The following DLGAP1 variants were observed in gnomAD, a reference collection of about 807,000 sequenced individuals.
DLGAP1 encodes DLG associated protein 1, also known as disks large-associated protein 1.
A neutral mutation model predicts 90.8 loss-of-function variants in DLGAP1; 11 were observed. The observed-to-expected ratio is 0.12, with a 90% CI of 0.08 to 0.20. The LOEUF is 0.20. Among genes scored for constraint, DLGAP1 ranks in the 10% least tolerant of loss-of-function variants. The probability of loss-of-function intolerance (pLI) is 1.00; values close to 1 mark genes in which losing one functional copy is unlikely to be tolerated. For missense variants in DLGAP1, 1,050 were observed against 1,333.8 expected (o/e 0.79, Z 3.31); for synonymous variants, 558 against 540.7 (o/e 1.03, Z -0.44).
At chr18:3,617,806 G>A (rs1427379917) in intron 7 of DLGAP1, among the ~76,000 whole-genome samples, 3 of 151,316 alleles carry the variant, frequency 2.0e-5, no homozygotes, top group Non-Finnish European at 4.4e-5. Context: ...AGGCCAAGGC[G>A]GGTGGATCAC....
Position 4,314,918 on chromosome 18 carries a change from T to C in DLGAP1, c.-267+140088A>G, listed in dbSNP as rs187608772. 5.6e-4 allele frequency among the ~76,000 whole-genome samples: 86 copies of C among 152,354 alleles called. 1 individual carries two copies. Among genetic ancestry groups the C allele is most frequent in the African/African-American group, 2.0e-3 (82 of 41,586 alleles). On this transcript the variant is annotated intron_variant, in intron 1 of 12. Transcript: ENST00000315677. ...CTTCAATAATGTAAAGCACTGTTAT[T>C]GCTCCCAGGTTTACCGAGGGACAAT...
At chr18:3,575,878 A>G (rs577172578) in intron 8 of DLGAP1, among the ~76,000 whole-genome samples, 5 of 152,306 alleles carry the variant, frequency 3.3e-5, no homozygotes, top group East Asian at 1.9e-4. Flanking sequence ...ATATCTTTAA[A>G]TATTCTAGAA....
intron 1 of DLGAP1, among the ~76,000 whole-genome samples, chr18:4,260,770 A>G (rs1176153442): frequency 6.6e-6 from 1 of 152,234 alleles, no homozygotes; most frequent in Non-Finnish European, 1.5e-5. Flanking sequence ...ACTAGAGACA[A>G]TATCTGCATT....
chr18:3,577,862 G>C (rs1418605754), intron 8 of DLGAP1, among the ~76,000 whole-genome samples: 2 of 152,166 alleles, frequency 1.3e-5, no homozygotes, highest in African/African-American at 4.8e-5. Context: ...AATTGTAAAA[G>C]AAGTTGCAGG....
intron 1 of DLGAP1, among the ~76,000 whole-genome samples, chr18:4,343,036 G>C (rs536317609): frequency 2.0e-5 from 3 of 152,078 alleles, no homozygotes; most frequent in East Asian, 3.9e-4. Flanking sequence ...GGCCGGGCGC[G>C]GTGGCTCATG....
At chr18:3,686,696 A>G (rs1033265645) in intron 7 of DLGAP1, among the ~76,000 whole-genome samples, 2 of 152,164 alleles carry the variant, frequency 1.3e-5, no homozygotes. Flanking sequence ...AAAATCTATA[A>G]AGTAGGGTGC....
At chr18:3,638,990 A>G (rs1462633920) in intron 7 of DLGAP1, among the ~76,000 whole-genome samples, 2 of 152,250 alleles carry the variant, frequency 1.3e-5, no homozygotes, top group Non-Finnish European at 2.9e-5. Flanking sequence ...ATAAATCCAC[A>G]AGAACTCCAA....
intron 1 of DLGAP1, among the ~76,000 whole-genome samples, chr18:4,279,307 T>C (rs73376962): frequency 0.16 from 24,952 of 152,120 alleles, 2,858 homozygotes; most frequent in African/African-American, 0.32. Flanking sequence ...TTTTTTACCA[T>C]TAGATTAAGA....
chr18:3,934,877 G>A (rs982030093), intron 3 of DLGAP1, among the ~76,000 whole-genome samples: 2 of 152,366 alleles, frequency 1.3e-5, no homozygotes, highest in African/African-American at 2.4e-5. Flanking sequence ...AAAGAAGCAC[G>A]AGGCAGTGTG....
chr18:3,755,467 C>T (rs1206165299), intron 5 of DLGAP1, among the ~76,000 whole-genome samples: 2 of 150,008 alleles, frequency 1.3e-5, no homozygotes, highest in African/African-American at 4.9e-5. Context: ...AAACAAAAAA[C>T]AACAAAAAAA....
intron 10 of DLGAP1, 44 bp from the exon 11 acceptor site, chr18:3,508,705 T>C (rs1379851972): frequency 6.7e-7 from 1 of 1,488,794 alleles, no homozygotes; most frequent in Admixed American, 1.7e-5. Context: ...TCATGCTTCA[T>C]TGTTGAGATT....
chr18:4,208,624 T>G (rs967251279), intron 1 of DLGAP1, among the ~76,000 whole-genome samples: 2 of 152,138 alleles, frequency 1.3e-5, no homozygotes, highest in Non-Finnish European at 2.9e-5. Context: ...GATGGCTAAA[T>G]GGGTCTTGAG....
At chr18:3,535,507 A>T (rs1191200244) in intron 9 of DLGAP1, among the ~76,000 whole-genome samples, 1 of 151,114 alleles carries the variant, frequency 6.6e-6, no homozygotes, top group African/African-American at 2.4e-5. Context: ...GGGGATCGAG[A>T]CCCTCCTGGC....
intron 1 of DLGAP1, among the ~76,000 whole-genome samples, chr18:4,305,300 G>A (rs759513518): frequency 3.3e-5 from 5 of 151,806 alleles, no homozygotes; most frequent in Non-Finnish European, 5.9e-5. Context: ...TTTGGGAGGC[G>A]GAGGCGGGTG....
intron 7 of DLGAP1, among the ~76,000 whole-genome samples, chr18:3,670,180 T>C (rs933903629): frequency 2.0e-5 from 3 of 152,202 alleles, no homozygotes; most frequent in Non-Finnish European, 4.4e-5. Context: ...CTACCGTCTT[T>C]TGAAGTGTAA....
At chr18:3,772,337 TCTCTCTC>T (rs2064647664) in intron 5 of DLGAP1, among the ~76,000 whole-genome samples, 2 of 42,628 alleles carry the variant, frequency 4.7e-5, no homozygotes, top group Non-Finnish European at 9.6e-5. Context: ...TCTCCTTCTC[TCTCTCTC>T]TCTCTTTCTT....
intron 4 of DLGAP1, among the ~76,000 whole-genome samples, chr18:3,831,090 G>A (rs2068010062): frequency 6.6e-6 from 1 of 152,228 alleles, no homozygotes; most frequent in Non-Finnish European, 1.5e-5. Flanking sequence ...GCTGGTGCAT[G>A]TGTGTAGAGG....
rs549363546 is a variant in DLGAP1 at position 4,384,651 on chromosome 18, A to C, written c.-267+70355T>G. 3.3e-5 allele frequency among the ~76,000 whole-genome samples: 5 copies of C among 152,184 alleles called. No individual in the cohort carries two copies. The South Asian group carries it at 1.0e-3, about 32-fold the overall frequency. ...ATATAGCTGAATTTACCCTATCCTC[A>C]TTTATCATTTCAACAATCAAAAAGG... On this transcript the variant is annotated intron_variant, in intron 1 of 12. Transcript: ENST00000315677.
At chr18:3,697,005 T>C (rs2061116961) in intron 7 of DLGAP1, among the ~76,000 whole-genome samples, 1 of 152,228 alleles carries the variant, frequency 6.6e-6, no homozygotes, top group Non-Finnish European at 1.5e-5. Flanking sequence ...TAGTATTCTC[T>C]CATGGTAGTT....
Sources: gnomAD v4.1 joint callset for allele counts (sites outside exome capture counted in the v4.1 genomes callset) on GRCh38, gnomAD v4.1.1 for gene constraint, MANE v1.5 for transcripts, NCBI Gene and HGNC (gene_info 2026-07-23, HGNC 2026-07-21) for gene names.